TRIO: variants seen among roughly 807,000 people sequenced by gnomAD.
TRIO encodes the protein triple functional domain protein.
TRIO carries 58 observed loss-of-function variants against 351.9 expected under a neutral mutation model. The observed-to-expected ratio is 0.16, with a 90% confidence interval of 0.13 to 0.21. The LOEUF is 0.21. Among genes scored for constraint, TRIO ranks in the 10% least tolerant of loss-of-function variants. The pLI, the probability that TRIO is intolerant of heterozygous loss-of-function variation, is 1.00. For missense variants in TRIO, 3,201 were observed against 4,027.8 expected (o/e 0.79, Z 5.56); for synonymous variants, 1,758 against 1,595.7 (o/e 1.10, Z -2.42).
chr5:14,270,021 C>A (rs1377603725), intron 1 of TRIO, among the ~76,000 whole-genome samples: 1 of 152,092 alleles, frequency 6.6e-6, no homozygotes, highest in African/African-American at 2.4e-5. Context: ...CATTTTGGAC[C>A]CCAAATTCCC....
At chr5:14,322,580 A>G (rs1739984409) in intron 9 of TRIO, among the ~76,000 whole-genome samples, 1 of 152,174 alleles carries the variant, frequency 6.6e-6, no homozygotes, top group Non-Finnish European at 1.5e-5. Context: ...CGGCCTGCAA[A>G]AGCCAGCTCT....
chr5:14,357,236 C>CT (rs2152335043), intron 11 of TRIO, among the ~76,000 whole-genome samples: 1 of 152,362 alleles, frequency 6.6e-6, no homozygotes, highest in African/African-American at 2.4e-5. Context: ...GAGGTCCCGA[C>CT]TTGCCCCATC....
At chr5:14,367,757 G>A (rs1744728354) in intron 16 of TRIO, among the ~76,000 whole-genome samples, 1 of 152,188 alleles carries the variant, frequency 6.6e-6, no homozygotes, top group Non-Finnish European at 1.5e-5. Context: ...AGCTACAGAA[G>A]TTGCCACTAA....
At chr5:14,338,334 T>C (rs1340600868) in intron 11 of TRIO, among the ~76,000 whole-genome samples, 2 of 152,198 alleles carry the variant, frequency 1.3e-5, no homozygotes, top group African/African-American at 4.8e-5. Flanking sequence ...CCTTGCAGCC[T>C]GTCTTGTGCT....
At chr5:14,220,142 C>T (rs1207372112) in intron 1 of TRIO, among the ~76,000 whole-genome samples, 1 of 150,866 alleles carries the variant, frequency 6.6e-6, no homozygotes, top group Admixed American at 6.6e-5. Context: ...CATGTCCTTG[C>T]TTTGTATCTC....
intron 1 of TRIO, among the ~76,000 whole-genome samples, chr5:14,215,892 T>A (rs934366425): frequency 3.9e-5 from 6 of 152,216 alleles, no homozygotes; most frequent in African/African-American, 9.6e-5. Context: ...TTGGTTATTT[T>A]AAAAATTTTC....
At chr5:14,502,474 C>A (rs76516749) in intron 53 of TRIO, 105 bp from the exon 54 acceptor site, 3 of 1,077,260 alleles carry the variant, frequency 2.8e-6, no homozygotes, top group East Asian at 2.4e-5. Flanking sequence ...GGCAGGTGCC[C>A]GGTGGCCACG....
At position 14,304,578 on chromosome 5, in the gene TRIO, C is replaced by A. The variant is rs1197779278; in HGVS notation, c.1486C>A (p.Leu496Ile). The part of the protein sequence containing the change: ...HHQGIYEHIT[L>I]AYSEVSQDGK... ...CCAGGGAATATATGAACATATCACT[C>A]TTGCTTATTCTGAGGTAAGTGGCCA... Residue 496 changes from leucine to isoleucine, a missense_variant, in exon 8 of 57, where the codon CTT becomes ATT. Coordinates refer to ENST00000344204, the MANE Select transcript of TRIO (RefSeq NM_007118.4). 1.2e-6 allele frequency: 2 copies of A among 1,612,794 alleles called. No homozygotes were observed. Among genetic ancestry groups the A allele is most frequent in the East Asian group, 2.2e-5 (1 of 44,876 alleles).
At position 14,290,669 on chromosome 5, in the gene TRIO, A is replaced by G. The variant is rs530157378; in HGVS notation, c.541-47A>G. The G allele has an allele frequency of 2.6e-6, 4 of 1,531,032 alleles. No homozygotes were observed. The South Asian group carries it at 5.2e-5, about 20-fold the overall frequency. The allele number at this position is 1,531,032 out of a possible 1,614,324, so 94.8% of individuals were successfully genotyped here. On this transcript the variant is annotated intron_variant, in intron 4 of 56. Transcript: ENST00000344204. ...TTGCAAATTGCATTATGTTAAAACTATATAAAATTGGTTCATCTTCTCATA... is the reference window on the plus strand; with the variant it reads ...TTGCAAATTGCATTATGTTAAAACTGTATAAAATTGGTTCATCTTCTCATA...
At chr5:14,269,645 A>G (rs1401605200) in intron 1 of TRIO, among the ~76,000 whole-genome samples, 1 of 152,160 alleles carries the variant, frequency 6.6e-6, no homozygotes, top group African/African-American at 2.4e-5. Flanking sequence ...AGCTTTTGTC[A>G]TTCTCTAGTG....
chr5:14,235,661 T>C (rs1793718718), intron 1 of TRIO, among the ~76,000 whole-genome samples: 1 of 152,046 alleles, frequency 6.6e-6, no homozygotes, highest in South Asian at 2.1e-4. Flanking sequence ...GGACACAGAA[T>C]GGAACTACGC....
intron 1 of TRIO, among the ~76,000 whole-genome samples, chr5:14,230,984 A>C (rs1793388980): frequency 1.3e-5 from 2 of 152,176 alleles, no homozygotes; most frequent in African/African-American, 2.4e-5. Flanking sequence ...TTAAATTTGC[A>C]AGTTAGTGCC....
At position 14,471,357 on chromosome 5, in the gene TRIO, G is replaced by A; in HGVS notation, c.5803G>A (p.Gly1935Arg). 1 of 1,614,088 alleles carries A rather than the reference G, an allele frequency of 6.2e-7. No individual in the cohort carries two copies. The highest frequency in any genetic ancestry group is 8.5e-7 in the Non-Finnish European group (1 of 1,179,998). ...CCCCAGCTCACTCCTTGTTGACCAG[G>A]GAGATAGTAGCAGCCCTTCCTTCAA... ...DRPSSLLVDQ[G>R]DSSSPSFNPS... Residue 1935 changes from glycine to arginine, a missense_variant, in exon 38 of 57, where the codon GGA becomes AGA. Around this residue, in one of 19 missense-constraint regions of TRIO, gnomAD observed 307 missense variants for 396.5 expected, o/e 0.77. Coordinates refer to ENST00000344204, the MANE Select transcript of TRIO (RefSeq NM_007118.4).
At chr5:14,431,698 A>G (rs1751159525) in intron 34 of TRIO, among the ~76,000 whole-genome samples, 1 of 152,154 alleles carries the variant, frequency 6.6e-6, no homozygotes, top group South Asian at 2.1e-4. Context: ...AGAAGGGTGT[A>G]TTCATCTGCT....
chr5:14,498,527 G>C lies in TRIO; in HGVS notation c.8219G>C (p.Gly2740Ala). 6.2e-7 allele frequency: 1 copy of C among 1,614,048 alleles called. No individual in the cohort carries two copies. The highest frequency in any genetic ancestry group is 8.5e-7 in the Non-Finnish European group (1 of 1,179,906). Reference sequence around the variant, plus strand: ...TCCCATCTGTGCCGCAGTGACCTGGGAGAGGCCACGCTGAAGATTGTGGGC... The same window carrying C: ...TCCCATCTGTGCCGCAGTGACCTGGCAGAGGCCACGCTGAAGATTGTGGGC... ...GHYSISYSDL[G>A]EATLKIVGVT... is the part of the protein sequence containing the mutation. Residue 2740 changes from glycine (G) to alanine (A), a missense_variant, in exon 53 of 57, where the codon GGA (glycine) becomes GCA (alanine). Gly to Ala is a moderately conservative substitution (Grantham distance 60). Transcript: ENST00000344204.
Position 14,509,903 on chromosome 5 carries a change from G to A in TRIO, c.*1481G>A, listed in dbSNP as rs113093294. 2.0e-5 allele frequency: 3 copies of A among 152,478 alleles called. No individual in the cohort carries two copies. The highest frequency in any genetic ancestry group is 7.2e-5 in the African/African-American group (3 of 41,452). The allele number at this position is 152,478 out of a possible 1,614,324, so 9.4% of individuals were successfully genotyped here. The stretch of plus-strand genomic sequence containing the variant: ...CCTGGGTCTTGAGCCATAAACTGGC[G>A]TAGTTAAGCTTTGCAGCTTCCAGTG... On this transcript the variant is annotated 3_prime_UTR_variant, in exon 57 of 57. Transcript: ENST00000344204.
chr5:14,456,159 C>T lies in TRIO; in HGVS notation c.5204-4860C>T, dbSNP rs145250081. Among the ~76,000 whole-genome samples the T allele has an allele frequency of 6.0e-4, 91 of 152,370 alleles. 2 individuals are homozygous for T. In the East Asian group the frequency reaches 0.013, roughly 22 times the overall value. On this transcript the variant is annotated intron_variant, in intron 34 of 56. Transcript: ENST00000344204. ...GGGCCAGTGGCGCTGGCTGGCCACTCGGAGTGCAGGGCCCGCTGAGCACAC... is the reference window on the plus strand; with the variant it reads ...GGGCCAGTGGCGCTGGCTGGCCACTTGGAGTGCAGGGCCCGCTGAGCACAC...
At chr5:14,353,511 G>A (rs543779861) in intron 11 of TRIO, among the ~76,000 whole-genome samples, 1 of 151,958 alleles carries the variant, frequency 6.6e-6, no homozygotes, top group Non-Finnish European at 1.5e-5. Flanking sequence ...TGATCTGCCC[G>A]CCTCGACCTC....
chr5:14,359,280 A>G (rs547612665), intron 12 of TRIO, 77 bp from the exon 13 acceptor site: 2 of 1,534,800 alleles, frequency 1.3e-6, no homozygotes, highest in South Asian at 2.5e-5. Flanking sequence ...TCCCCTGAAG[A>G]TTTGCGTGGC....
Sources: gnomAD v4.1 joint callset for allele counts (sites outside exome capture counted in the v4.1 genomes callset) on GRCh38, gnomAD v4.1.1 for gene constraint, gnomAD v4.1.1 regional missense constraint, MANE v1.5 for transcripts, NCBI Gene and HGNC (gene_info 2026-07-23, HGNC 2026-07-21) for gene names.